The following LMBRD1 variants were observed in gnomAD, a reference collection of about 807,000 sequenced individuals.
LMBRD1 encodes the protein LMBR1 domain containing 1, also known as lysosomal cobalamin transport escort protein LMBD1.
In LMBRD1, 64 loss-of-function variants were observed where a neutral mutation model predicts 74.8. The observed-to-expected ratio is 0.86, with a 90% CI of 0.70 to 1.05. The LOEUF (loss-of-function observed/expected upper bound fraction) is 1.05, where lower values mean the gene tolerates loss of function less well. LMBRD1 is among the 50% of genes least tolerant of loss of function. The pLI is 0.00. For synonymous variants in LMBRD1, 204 were observed against 216.3 expected (o/e 0.94, Z 0.50); for missense variants, 652 against 645.9 (o/e 1.01, Z -0.10).
At chr6:69,778,450 C>A (rs529570217) in intron 3 of LMBRD1, among the ~76,000 whole-genome samples, 1 of 152,174 alleles carries the variant, frequency 6.6e-6, no homozygotes, top group Non-Finnish European at 1.5e-5. Context: ...CTGAAAAAGC[C>A]TGCATGAATT....
intron 7 of LMBRD1, among the ~76,000 whole-genome samples, chr6:69,735,018 G>A (rs956555960): frequency 2.0e-5 from 3 of 152,188 alleles, no homozygotes; most frequent in Non-Finnish European, 4.4e-5. Flanking sequence ...AAACAACAGT[G>A]TTGGGCTAGC....
intron 14 of LMBRD1, among the ~76,000 whole-genome samples, chr6:69,693,789 T>C (rs1441678366): frequency 1.3e-5 from 2 of 151,888 alleles, no homozygotes; most frequent in Admixed American, 6.5e-5. Context: ...AATGTCCTAA[T>C]CTGGTTATCT....
rs999136386 is a variant in LMBRD1, at chr6:69,719,048, T to C, written c.670A>G (p.Ile224Val). Residue 224 changes from isoleucine to valine, a missense_variant, in exon 8 of 16, where the codon ATA (isoleucine) becomes GTA (valine). Around this residue, in one of 3 missense-constraint regions of LMBRD1, gnomAD observed 598 missense variants for 581.8 expected, o/e 1.03. Transcript: ENST00000649934. ...TAAGCAGCGCTTCTAGTGCCTTTTA[T>C]CAGATTTAAAGGTAACGCAGACATG... ...YGMSALPLNL[I>V]KGTRSAAYER... 1 of 1,612,816 alleles carries C rather than the reference T, an allele frequency of 6.2e-7. No homozygotes were observed. The highest frequency in any genetic ancestry group is 8.5e-7 in the Non-Finnish European group (1 of 1,179,160).
intron 7 of LMBRD1, among the ~76,000 whole-genome samples, chr6:69,721,463 T>C (rs1367032655): frequency 6.6e-6 from 1 of 152,124 alleles, no homozygotes; most frequent in Non-Finnish European, 1.5e-5. Context: ...ACAGATGACA[T>C]TTCTAGACAC....
At chr6:69,720,206 C>T (rs1407008955) in intron 7 of LMBRD1, among the ~76,000 whole-genome samples, 1 of 151,864 alleles carries the variant, frequency 6.6e-6, no homozygotes, top group African/African-American at 2.4e-5. Context: ...GAACAAAAAA[C>T]ATGAATAAAA....
chr6:69,772,803 A>G (rs534587314), intron 3 of LMBRD1, among the ~76,000 whole-genome samples: 3 of 152,340 alleles, frequency 2.0e-5, no homozygotes, highest in East Asian at 1.9e-4. Flanking sequence ...TTTCAAAACA[A>G]TAGTGTCAAG....
intron 12 of LMBRD1, among the ~76,000 whole-genome samples, chr6:69,699,609 T>TA (rs974680718): frequency 3.7e-4 from 56 of 151,988 alleles, no homozygotes; most frequent in African/African-American, 1.3e-3. Context: ...TACTTTGCTA[T>TA]AAAAATTAGT....
intron 6 of LMBRD1, 36 bp downstream of exon 6, chr6:69,741,753 T>G (rs1767106921): frequency 8.1e-7 from 1 of 1,229,658 alleles, no homozygotes; most frequent in Non-Finnish European, 1.2e-6. Context: ...TCAGGAAATA[T>G]AAACTACTAT....
At chr6:69,780,415 TG>T in intron 3 of LMBRD1, 78 bp downstream of exon 3, 1 of 1,040,884 alleles carries the variant, frequency 9.6e-7, no homozygotes, top group Non-Finnish European at 1.5e-6. Context: ...AGGAAGAACC[TG>T]GGGTTCTCCA....
intron 3 of LMBRD1, among the ~76,000 whole-genome samples, chr6:69,778,838 A>G (rs1054831229): frequency 6.6e-6 from 1 of 152,178 alleles, no homozygotes; most frequent in African/African-American, 2.4e-5. Flanking sequence ...ATAAAATTTC[A>G]TGGGGCCTAC....
At chr6:69,766,326 G>A (rs1279753147) in intron 3 of LMBRD1, among the ~76,000 whole-genome samples, 1 of 151,782 alleles carries the variant, frequency 6.6e-6, no homozygotes, top group Non-Finnish European at 1.5e-5. Context: ...TTGTCAGCTT[G>A]GGAAGTTCTC....
chr6:69,678,694 C>T (rs1765597038), intron 14 of LMBRD1, among the ~76,000 whole-genome samples: 1 of 152,066 alleles, frequency 6.6e-6, no homozygotes, highest in South Asian at 2.1e-4. Flanking sequence ...TATTGTTAAT[C>T]AAGAAAATAC....
intron 12 of LMBRD1, among the ~76,000 whole-genome samples, chr6:69,700,564 G>A (rs1288747159): frequency 1.3e-5 from 2 of 151,490 alleles, no homozygotes; most frequent in East Asian, 1.9e-4. Context: ...AAATGTTTCC[G>A]GGGGGCAAAA....
intron 9 of LMBRD1, among the ~76,000 whole-genome samples, chr6:69,702,979 G>C (rs550620504): frequency 3.3e-5 from 5 of 152,166 alleles, no homozygotes; most frequent in African/African-American, 9.6e-5. Flanking sequence ...TTTTGGACCT[G>C]TGCTCTGGGG....
At chr6:69,752,057 AAAT>A (rs1215616289) in intron 4 of LMBRD1, among the ~76,000 whole-genome samples, 199 bp downstream of exon 4, 1 of 152,234 alleles carries the variant, frequency 6.6e-6, no homozygotes, top group Non-Finnish European at 1.5e-5. Flanking sequence ...ACTATATTTG[AAAT>A]AATATTTGGA....
intron 7 of LMBRD1, among the ~76,000 whole-genome samples, chr6:69,732,131 A>G (rs1354567482): frequency 1.3e-5 from 2 of 152,170 alleles, no homozygotes; most frequent in Non-Finnish European, 2.9e-5. Context: ...TTCTTTCTCT[A>G]AATATTATTG....
At chr6:69,688,866 T>G (rs1182762574) in intron 14 of LMBRD1, among the ~76,000 whole-genome samples, 1 of 152,114 alleles carries the variant, frequency 6.6e-6, no homozygotes, top group African/African-American at 2.4e-5. Flanking sequence ...ACTTTCACGG[T>G]GTTTACTTTT....
intron 7 of LMBRD1, among the ~76,000 whole-genome samples, chr6:69,729,575 G>A (rs1451017637): frequency 6.6e-6 from 1 of 151,958 alleles, no homozygotes; most frequent in Non-Finnish European, 1.5e-5. Context: ...CTTTTAGGAA[G>A]AGACAGCTCT....
intron 14 of LMBRD1, among the ~76,000 whole-genome samples, chr6:69,690,484 A>G (rs369096028): frequency 3.1e-4 from 47 of 152,324 alleles, no homozygotes; most frequent in African/African-American, 1.1e-3. Context: ...CTGTTCAGTA[A>G]GATTCCATAT....
Sources: allele counts gnomAD v4.1 joint callset (sites outside exome capture counted in the v4.1 genomes callset), GRCh38; gene constraint gnomAD v4.1.1; regional missense constraint gnomAD v4.1.1; transcripts MANE v1.5; gene names NCBI Gene and HGNC (gene_info 2026-07-23, HGNC 2026-07-21).